The following RXFP1 variants were observed in gnomAD, a reference collection of about 807,000 sequenced individuals.
The protein encoded by RXFP1 is relaxin receptor 1.
Under a neutral mutation model 89.8 loss-of-function variants are expected in RXFP1, and 73 were observed. The observed-to-expected ratio is 0.81, with a 90% CI of 0.67 to 0.99. The LOEUF is 0.99. RXFP1 is among the 50% of genes least tolerant of loss of function. RXFP1 has a pLI of 0.00. For synonymous variants in RXFP1, 277 were observed against 305.5 expected (o/e 0.91, Z 0.97); for missense variants, 793 against 895.5 (o/e 0.89, Z 1.46).
At chr4:158,546,388 A>G (rs988138451) in intron 1 of RXFP1, among the ~76,000 whole-genome samples, 4 of 152,192 alleles carry the variant, frequency 2.6e-5, no homozygotes, top group Non-Finnish European at 5.9e-5. Flanking sequence ...TAATCATGTC[A>G]TCTGCAAACA....
intron 1 of RXFP1, among the ~76,000 whole-genome samples, chr4:158,533,492 C>A (rs77454249): frequency 0.045 from 6,915 of 152,188 alleles, 531 homozygotes; most frequent in African/African-American, 0.16. Flanking sequence ...CAAATCATAT[C>A]ATATCAAATT....
chr4:158,645,029 C>G lies in RXFP1; in HGVS notation c.1236C>G (p.Val412=). The stretch of plus-strand genomic sequence containing the variant: ...CAAGCATTATTCAGAGAGTATTTGT[C>G]TGGGTTGTATCTGCAGTTACCTGCT... The part of the protein sequence containing the change: ...LLASIIQRVF[V]WVVSAVTCFG... Residue 412 remains valine (V), a synonymous_variant, in exon 15 of 18, where the codon GTC becomes GTG. Coordinates refer to ENST00000307765, the MANE Select transcript of RXFP1 (RefSeq NM_021634.4). The G allele has an allele frequency of 6.2e-7, 1 of 1,614,132 alleles. No homozygotes were observed. Among genetic ancestry groups the G allele is most frequent in the Non-Finnish European group, 8.5e-7 (1 of 1,179,990 alleles).
intron 14 of RXFP1, 30 bp downstream of exon 14, chr4:158,639,361 T>C (rs1452013426): frequency 3.4e-6 from 4 of 1,191,216 alleles, no homozygotes; most frequent in Non-Finnish European, 5.0e-6. Context: ...TTTTTCACTG[T>C]GATGTTAATA....
intron 3 of RXFP1, among the ~76,000 whole-genome samples, chr4:158,596,034 G>T (rs1760514819): frequency 6.6e-6 from 1 of 151,728 alleles, no homozygotes; most frequent in African/African-American, 2.4e-5. Context: ...CAGGAGCCCA[G>T]GAGATTGAAG....
At chr4:158,527,507 C>T (rs577730783) in intron 1 of RXFP1, among the ~76,000 whole-genome samples, 1 of 144,338 alleles carries the variant, frequency 6.9e-6, no homozygotes, top group Admixed American at 7.3e-5. Flanking sequence ...CATGCCACTG[C>T]ACTCCAGACT....
intron 3 of RXFP1, among the ~76,000 whole-genome samples, chr4:158,595,568 A>G (rs1043048475): frequency 6.6e-6 from 1 of 152,242 alleles, no homozygotes; most frequent in Non-Finnish European, 1.5e-5. Context: ...TTGCAAATAT[A>G]AAGTTTTTTC....
intron 1 of RXFP1, among the ~76,000 whole-genome samples, chr4:158,572,116 G>T (rs1165378590): frequency 6.6e-6 from 1 of 152,112 alleles, no homozygotes; most frequent in Non-Finnish European, 1.5e-5. Flanking sequence ...AATCAATCGT[G>T]TTCTGCCCCA....
intron 4 of RXFP1, among the ~76,000 whole-genome samples, chr4:158,602,040 A>G (rs929901584): frequency 6.6e-6 from 1 of 152,200 alleles, no homozygotes; most frequent in Admixed American, 6.5e-5. Flanking sequence ...TCACACACAT[A>G]CAAACACAAA....
chr4:158,582,286 T>C (rs1307409626), intron 2 of RXFP1, among the ~76,000 whole-genome samples: 1 of 152,196 alleles, frequency 6.6e-6, no homozygotes, highest in African/African-American at 2.4e-5. Context: ...CAAGGGTCCA[T>C]TCTTCCAAGT....
At chr4:158,636,574 C>T (rs900181604) in intron 12 of RXFP1, among the ~76,000 whole-genome samples, 3 of 152,160 alleles carry the variant, frequency 2.0e-5, no homozygotes, top group African/African-American at 2.4e-5. Flanking sequence ...AATTAATTCA[C>T]TTACATGTAC....
intron 1 of RXFP1, among the ~76,000 whole-genome samples, chr4:158,563,769 G>A (rs1353494697): frequency 3.3e-5 from 5 of 151,114 alleles, no homozygotes; most frequent in African/African-American, 4.9e-5. Context: ...ATATGACAGC[G>A]ATCCCATAAG....
chr4:158,524,688 G>A (rs930431903), intron 1 of RXFP1, among the ~76,000 whole-genome samples: 1 of 152,196 alleles, frequency 6.6e-6, no homozygotes, highest in Non-Finnish European at 1.5e-5. Flanking sequence ...GGTGAAAGGT[G>A]TATGGGACCT....
chr4:158,532,548 C>T (rs1744311884), intron 1 of RXFP1, among the ~76,000 whole-genome samples: 3 of 152,140 alleles, frequency 2.0e-5, no homozygotes, highest in Admixed American at 6.5e-5. Context: ...ATTGAGGAGG[C>T]AGGTAGAGAG....
intron 4 of RXFP1, among the ~76,000 whole-genome samples, chr4:158,602,354 G>A (rs777452724): frequency 1.5e-4 from 23 of 152,110 alleles, no homozygotes; most frequent in African/African-American, 2.4e-5. Context: ...TTCAAGTGCA[G>A]TTAACCTCTT....
At chr4:158,562,734 C>T (rs938302231) in intron 1 of RXFP1, among the ~76,000 whole-genome samples, 1 of 152,010 alleles carries the variant, frequency 6.6e-6, no homozygotes, top group African/African-American at 2.4e-5. Flanking sequence ...CACACCCATC[C>T]GGGGCAGTTG....
intron 1 of RXFP1, among the ~76,000 whole-genome samples, chr4:158,570,247 G>A (rs1286912576): frequency 3.3e-5 from 5 of 152,174 alleles, no homozygotes; most frequent in East Asian, 1.9e-4. Context: ...TAGTGACGAG[G>A]GGGAATGGTA....
intron 1 of RXFP1, among the ~76,000 whole-genome samples, chr4:158,538,378 G>C (rs1476122574): frequency 6.6e-6 from 1 of 152,200 alleles, no homozygotes; most frequent in African/African-American, 2.4e-5. Context: ...ATGAGAAGTT[G>C]ACTCATTTCA....
chr4:158,526,869 T>C (rs1051400616), intron 1 of RXFP1, among the ~76,000 whole-genome samples: 14 of 152,294 alleles, frequency 9.2e-5, no homozygotes, highest in Admixed American at 3.9e-4. Context: ...CTGGAGCCCT[T>C]GCCTCTGGCC....
intron 1 of RXFP1, among the ~76,000 whole-genome samples, chr4:158,545,605 T>C (rs1382264613): frequency 1.3e-5 from 2 of 152,134 alleles, no homozygotes; most frequent in Non-Finnish European, 2.9e-5. Context: ...AGTCTTTAAT[T>C]CATCTTGAAT....
Sources: gnomAD v4.1 joint callset for allele counts (sites outside exome capture counted in the v4.1 genomes callset) on GRCh38, gnomAD v4.1.1 for gene constraint, MANE v1.5 for transcripts, NCBI Gene and HGNC (gene_info 2026-07-23, HGNC 2026-07-21) for gene names.